CASZ1: variants seen among roughly 807,000 people sequenced by gnomAD.
The protein encoded by CASZ1 is zinc finger protein castor homolog 1.
In CASZ1, 28 loss-of-function variants were observed where a neutral mutation model predicts 135.2. The ratio of observed to expected loss-of-function variants is 0.21; its 90% CI spans 0.15 to 0.28. The LOEUF (loss-of-function observed/expected upper bound fraction) is 0.28. CASZ1 is among the 10% of genes least tolerant of loss of function. CASZ1 has a pLI of 1.00. For synonymous variants in CASZ1, 1,068 were observed against 1,073.4 expected, an observed-to-expected ratio of 0.99 and a Z score of 0.10; for missense variants, 2,161 against 2,453.3, an observed-to-expected ratio of 0.88 and a Z score of 2.52.
chr1:10,771,587 A>G (rs1640577901), intron 1 of CASZ1, among the ~76,000 whole-genome samples: 1 of 152,150 alleles, frequency 6.6e-6, no homozygotes, highest in African/African-American at 2.4e-5. Flanking sequence ...TTGTAAACGT[A>G]GACTTTTAAA....
intron 2 of CASZ1, among the ~76,000 whole-genome samples, chr1:10,742,398 C>G (rs954648092): frequency 1.3e-5 from 2 of 152,150 alleles, no homozygotes; most frequent in Admixed American, 1.3e-4. Context: ...ATTCTCGGCT[C>G]GGACGCGGGG....
rs117983382 is a variant in CASZ1, at chr1:10,780,239, C to T, written c.-234+16325G>A. Among the ~76,000 whole-genome samples the T allele has an allele frequency of 1.7e-3, 254 of 152,306 alleles. 11 individuals are homozygous for T. The East Asian group carries it at 0.045, about 27-fold the overall frequency. On this transcript the variant is annotated intron_variant, in intron 1 of 20. Coordinates refer to ENST00000377022, the MANE Select transcript of CASZ1 (RefSeq NM_001079843.3). ...ATTACCCCAAGGAGAGGAGGTCATTCGGGAAAATGGTACAAATATTCCCAT... is the reference window on the plus strand; with the variant it reads ...ATTACCCCAAGGAGAGGAGGTCATTTGGGAAAATGGTACAAATATTCCCAT...
intron 2 of CASZ1, among the ~76,000 whole-genome samples, chr1:10,729,027 G>A (rs1042870479): frequency 1.3e-5 from 2 of 152,002 alleles, no homozygotes; most frequent in South Asian, 2.1e-4. Context: ...CGGACCGAGG[G>A]GACAAAACCC....
At chr1:10,689,290 G>C (rs1039367235) in intron 4 of CASZ1, among the ~76,000 whole-genome samples, 1 of 152,220 alleles carries the variant, frequency 6.6e-6, no homozygotes, top group Middle Eastern at 3.2e-3. Flanking sequence ...CTTGAGCCAG[G>C]GCAGCCACTT....
rs1640670796 is a variant in CASZ1 at position 10,776,841 on chromosome 1, G to A, written c.-233-15984C>T. ...CTTGCCAGCGATGGAGATGGGGCTAGAACCACCTCACCTTCTCACCATCCA... is the reference window on the plus strand; with the variant it reads ...CTTGCCAGCGATGGAGATGGGGCTAAAACCACCTCACCTTCTCACCATCCA... On this transcript the variant is annotated intron_variant, in intron 1 of 20. Transcript: ENST00000377022. This position sits in a 1 kb window ranked among gnomAD's most constrained non-coding sequence, Gnocchi z 4.1. Among the ~76,000 whole-genome samples the A allele has an allele frequency of 6.6e-6, 1 of 152,172 alleles. No homozygotes were observed. The highest frequency in any genetic ancestry group is 2.4e-5 in the African/African-American group (1 of 41,432).
At chr1:10,790,978 A>G (rs72643233) in intron 1 of CASZ1, among the ~76,000 whole-genome samples, 31,533 of 151,724 alleles carry the variant, frequency 0.21, 3,966 homozygotes, top group East Asian at 0.39. Flanking sequence ...TTTTTTTTAA[A>G]AAAGAAAAAA....
chr1:10,708,988 TGAGG>T (rs1639230825), intron 2 of CASZ1, among the ~76,000 whole-genome samples: 1 of 24,882 alleles, frequency 4.0e-5, no homozygotes, highest in African/African-American at 1.3e-4. Context: ...GGGCCATGGG[TGAGG>T]GAGGGAGGGA....
chr1:10,762,320 G>C lies in CASZ1; in HGVS notation c.-233-1463C>G, dbSNP rs1640393874. On this transcript the variant is annotated intron_variant, in intron 1 of 20. Transcript: ENST00000377022. The surrounding 1 kb of genome is among the most constrained non-coding windows in gnomAD (Gnocchi z 4.1). The stretch of plus-strand genomic sequence containing the variant: ...TCGGCGCCACACAGGGTTAACAGCG[G>C]GTTTCCTGGTTTCCATGGATTCCTG... 6.6e-6 allele frequency among the ~76,000 whole-genome samples: 1 copy of C among 152,112 alleles called. No homozygotes were observed. The highest frequency in any genetic ancestry group is 2.1e-4 in the South Asian group (1 of 4,814).
chr1:10,746,905 C>G (rs1640052083), intron 2 of CASZ1, among the ~76,000 whole-genome samples: 1 of 152,250 alleles, frequency 6.6e-6, no homozygotes, highest in Non-Finnish European at 1.5e-5. Flanking sequence ...CTTCCCCACT[C>G]CCAGGAGCCG....
rs1176390313 is a variant in CASZ1, at chr1:10,777,824, CACA to C, written c.-233-16970_-233-16968del. On this transcript the variant is annotated intron_variant, in intron 1 of 20. Transcript: ENST00000377022. This position sits in a 1 kb window ranked among gnomAD's most constrained non-coding sequence, Gnocchi z 4.4. ...TTATATACAGCCACTGACACAATCC[CACA>C]ACCACACACAATCTCACACACTCTC... Among the ~76,000 whole-genome samples, 2 of 152,078 alleles carry C rather than the reference CACA, an allele frequency of 1.3e-5. No homozygotes were observed. The highest frequency in any genetic ancestry group is 2.9e-5 in the Non-Finnish European group (2 of 68,006).
At chr1:10,671,141 G>A (rs1643385266) in intron 4 of CASZ1, among the ~76,000 whole-genome samples, 1 of 152,284 alleles carries the variant, frequency 6.6e-6, no homozygotes, top group East Asian at 1.9e-4. Flanking sequence ...CGTCTAAGTG[G>A]CCTCACTTAG....
rs940548498 is a variant in CASZ1, at chr1:10,676,638, C to T, written c.17-11067G>A. 2.6e-5 allele frequency among the ~76,000 whole-genome samples: 4 copies of T among 152,206 alleles called. No homozygotes were observed. Among genetic ancestry groups the T allele is most frequent in the Non-Finnish European group, 5.9e-5 (4 of 68,038 alleles). On this transcript the variant is annotated intron_variant, in intron 4 of 20. Transcript: ENST00000377022. This position sits in a 1 kb window ranked among gnomAD's most constrained non-coding sequence, Gnocchi z 4.5. The stretch of plus-strand genomic sequence containing the variant: ...GGGATCCTATTTCCACAGCAGGCCT[C>T]CCTCCACCTTGGTGCCTGCCCTCGA...
rs1236176641 is a variant in CASZ1, at chr1:10,709,247, G to A, written c.-76-3703C>T. ...GGCCTCCCGGGGCCATGGGGGCTCG[G>A]GGCAGCTGTCGGGCTGCCCATCCGC... On this transcript the variant is annotated intron_variant, in intron 2 of 20. Coordinates refer to ENST00000377022, the MANE Select transcript of CASZ1 (RefSeq NM_001079843.3). This position sits in a 1 kb window ranked among gnomAD's most constrained non-coding sequence, Gnocchi z 5.1. Among the ~76,000 whole-genome samples the A allele has an allele frequency of 6.6e-6, 1 of 152,164 alleles. No individual in the cohort carries two copies. The highest frequency in any genetic ancestry group is 2.4e-5 in the African/African-American group (1 of 41,438).
chr1:10,706,213 T>A lies in CASZ1; in HGVS notation c.-76-669A>T, dbSNP rs1469895477. 1.3e-5 allele frequency among the ~76,000 whole-genome samples: 2 copies of A among 152,210 alleles called. No homozygotes were observed. The highest frequency in any genetic ancestry group is 2.9e-5 in the Non-Finnish European group (2 of 68,034). On this transcript the variant is annotated intron_variant, in intron 2 of 20. Coordinates refer to ENST00000377022, the MANE Select transcript of CASZ1 (RefSeq NM_001079843.3). This position sits in a 1 kb window ranked among gnomAD's most constrained non-coding sequence, Gnocchi z 4.3. ...CGATGGTCAGACAACGTGGAGGCTT[T>A]AACCAACACGCGGCCTGGCCCAGCG...
In CASZ1 at chr1:10,647,839, C is replaced by T. The variant is rs763317763; in HGVS notation, c.3459G>A (p.Lys1153=). The T allele has an allele frequency of 1.4e-5, 22 of 1,613,930 alleles. No homozygotes were observed. Among genetic ancestry groups the T allele is most frequent in the Non-Finnish European group, 1.8e-5 (21 of 1,180,022 alleles). ...PLATTSLENA[K]PQVKPGFLQF... ...GGAGGAATCCGGGTTTGACCTGGGGCTTGGCGTTCTCTAGAGAAGTCGTTG... is the reference window on the plus strand; with the variant it reads ...GGAGGAATCCGGGTTTGACCTGGGGTTTGGCGTTCTCTAGAGAAGTCGTTG... The change falls in exon 16 of 21, where the codon AAG becomes AAA. Residue 1153 remains lysine (K), a synonymous_variant. Transcript: ENST00000377022. This position sits in a 1 kb window ranked among gnomAD's most constrained non-coding sequence, Gnocchi z 4.9.
chr1:10,654,624 G>A, intron 9 of CASZ1, 33 bp from the exon 10 acceptor site: 1 of 1,601,958 alleles, frequency 6.2e-7, no homozygotes, highest in Non-Finnish European at 8.5e-7. Flanking sequence ...CAGGCGAACG[G>A]AGGCCAGGTG....
In CASZ1 at chr1:10,777,368, C is replaced by T. The variant is rs546317647; in HGVS notation, c.-233-16511G>A. 1.8e-4 allele frequency among the ~76,000 whole-genome samples: 27 copies of T among 152,266 alleles called. No individual in the cohort carries two copies. The highest frequency in any genetic ancestry group is 2.9e-5 in the Non-Finnish European group (2 of 68,028). ...CTGACCTCTGTGACTTCACCCTTCACCCACAAGCCTCCTTTCTCTTATTGG... is the reference window on the plus strand; with the variant it reads ...CTGACCTCTGTGACTTCACCCTTCATCCACAAGCCTCCTTTCTCTTATTGG... On this transcript the variant is annotated intron_variant, in intron 1 of 20. Transcript: ENST00000377022. This position sits in a 1 kb window ranked among gnomAD's most constrained non-coding sequence, Gnocchi z 4.4.
rs1294919514 is a variant in CASZ1, at chr1:10,788,509, G to T, written c.-234+8055C>A. Among the ~76,000 whole-genome samples the T allele has an allele frequency of 6.6e-6, 1 of 152,196 alleles. No homozygotes were observed. Among genetic ancestry groups the T allele is most frequent in the African/African-American group, 2.4e-5 (1 of 41,438 alleles). The stretch of plus-strand genomic sequence containing the variant: ...GTATAAGCAACATTTATGCTTACGA[G>T]ATTTTTTTTATTAAGAGGATTCTCA... On this transcript the variant is annotated intron_variant, in intron 1 of 20. Transcript: ENST00000377022. This position sits in a 1 kb window ranked among gnomAD's most constrained non-coding sequence, Gnocchi z 4.1.
At chr1:10,656,083 G>A (rs1379481231) in intron 8 of CASZ1, among the ~76,000 whole-genome samples, 2 of 152,206 alleles carry the variant, frequency 1.3e-5, no homozygotes, top group East Asian at 3.9e-4. Context: ...ATGATGCATT[G>A]GGCCAGGCCT....
Sources: allele counts gnomAD v4.1 joint callset (sites outside exome capture counted in the v4.1 genomes callset), GRCh38; gene constraint gnomAD v4.1.1; non-coding constraint Gnocchi (gnomAD v3.1); transcripts MANE v1.5; gene names NCBI Gene and HGNC (gene_info 2026-07-23, HGNC 2026-07-21).